BRD4: variants seen among roughly 807,000 people sequenced by gnomAD.
The protein encoded by BRD4 is bromodomain-containing protein 4.
Under a neutral mutation model 142.1 loss-of-function variants are expected in BRD4, and 16 were observed. The ratio of observed to expected loss-of-function variants is 0.11; its 90% CI spans 0.08 to 0.17. The LOEUF (loss-of-function observed/expected upper bound fraction) is 0.17, where lower values mean the gene tolerates loss of function less well. BRD4 is among the 10% of genes least tolerant of loss of function. The pLI is 1.00. For synonymous variants in BRD4, 833 were observed against 707.5 expected (o/e 1.18, Z -2.82); for missense variants, 1,424 against 1,810.9 (o/e 0.79, Z 3.88).
At chr19:15,320,479 G>A (rs866782952) in intron 1 of BRD4, among the ~76,000 whole-genome samples, 2 of 152,142 alleles carry the variant, frequency 1.3e-5, no homozygotes. Flanking sequence ...GATTACATAA[G>A]TTATATAAAT....
chr19:15,255,501 T>G lies in BRD4; in HGVS notation c.1843A>C (p.Lys615Gln). 1 of 1,614,148 alleles carries G rather than the reference T, an allele frequency of 6.2e-7. No homozygotes were observed. Among genetic ancestry groups the G allele is most frequent in the Non-Finnish European group, 8.5e-7 (1 of 1,180,016 alleles). Residue 615 changes from lysine to glutamine, a missense_variant, in exon 10 of 20, where the codon AAG (lysine) becomes CAG (glutamine). Lys to Gln is a moderately conservative substitution (Grantham distance 53). Around this residue, in one of 16 missense-constraint regions of BRD4, gnomAD observed 46 missense variants for 110.4 expected, o/e 0.42. Transcript: ENST00000679869. ...TTGATGTCCAAGCTGAGCTGCCGCT[T>G]CTCCTCATAGGACATAGGCTTGCAC... Reference protein sequence around the residue: ...DKCKPMSYEEKRQLSLDINKL... With the variant: ...DKCKPMSYEEQRQLSLDINKL...
intron 1 of BRD4, among the ~76,000 whole-genome samples, chr19:15,319,862 G>A (rs934903283): frequency 1.3e-5 from 2 of 152,056 alleles, no homozygotes; most frequent in Non-Finnish European, 2.9e-5. Flanking sequence ...CTGAGTTTGG[G>A]GAGGCTGAGA....
intron 1 of BRD4, among the ~76,000 whole-genome samples, chr19:15,294,465 C>T (rs916864771): frequency 6.6e-6 from 1 of 152,266 alleles, no homozygotes; most frequent in African/African-American, 2.4e-5. Flanking sequence ...TTGCAGCAAG[C>T]ACTGAACTCA....
At chr19:15,278,767 G>C (rs1031769548) in intron 1 of BRD4, among the ~76,000 whole-genome samples, 3 of 151,828 alleles carry the variant, frequency 2.0e-5, no homozygotes, top group Non-Finnish European at 4.4e-5. Context: ...AAGAAAATTT[G>C]GGAACTTCTG....
intron 1 of BRD4, among the ~76,000 whole-genome samples, chr19:15,278,105 C>CAAAAAAAAAAAA (rs59204229): frequency 7.3e-5 from 4 of 55,038 alleles, no homozygotes; most frequent in Non-Finnish European, 1.3e-4. Context: ...GACTCCGTCT[C>CAAAAAAAAAAAA]AAAAAAAAAA....
intron 1 of BRD4, among the ~76,000 whole-genome samples, chr19:15,300,830 A>C (rs776444332): frequency 6.6e-6 from 1 of 152,218 alleles, no homozygotes; most frequent in Non-Finnish European, 1.5e-5. Flanking sequence ...TCCACTGCTG[A>C]TGAGGGCGAA....
Position 15,237,564 on chromosome 19 carries a change from T to C in BRD4, c.*813A>G, listed in dbSNP as rs1228463315. The stretch of plus-strand genomic sequence containing the variant: ...ATTTCGGAGATAAGCAGTGCCATTG[T>C]GTCTGGAGGAGAAGAGAGAATTAAA... On this transcript the variant is annotated 3_prime_UTR_variant, in exon 20 of 20. Coordinates refer to ENST00000679869, the MANE Select transcript of BRD4 (RefSeq NM_001379291.1). The C allele has an allele frequency of 6.2e-5, 14 of 225,698 alleles. No homozygotes were observed. Among genetic ancestry groups the C allele is most frequent in the African/African-American group, 3.1e-4 (14 of 44,656 alleles). 14.0% of individuals were successfully genotyped at this position (225,698 alleles called of 1,614,324 possible).
chr19:15,329,392 G>C (rs1242866270), intron 1 of BRD4, among the ~76,000 whole-genome samples: 2 of 152,200 alleles, frequency 1.3e-5, no homozygotes, highest in Non-Finnish European at 2.9e-5. Context: ...GTCAGAAGCA[G>C]ATTTAACAGC....
At chr19:15,281,061 C>A (rs1407832918) in intron 1 of BRD4, among the ~76,000 whole-genome samples, 1 of 152,220 alleles carries the variant, frequency 6.6e-6, no homozygotes, top group Non-Finnish European at 1.5e-5. Context: ...TGGGGAAGCA[C>A]AAATAGGATT....
At chr19:15,315,164 C>A (rs907542510) in intron 1 of BRD4, among the ~76,000 whole-genome samples, 2 of 151,474 alleles carry the variant, frequency 1.3e-5, no homozygotes, top group African/African-American at 4.8e-5. Flanking sequence ...TTTTTTTTTC[C>A]CCCCACAGGT....
chr19:15,274,607 C>T (rs2047626251), intron 1 of BRD4, among the ~76,000 whole-genome samples: 1 of 152,188 alleles, frequency 6.6e-6, no homozygotes, highest in Non-Finnish European at 1.5e-5. Flanking sequence ...GGGTGCAGAG[C>T]CAAGCTGTCC....
At chr19:15,257,791 C>G (rs1039552631) in intron 7 of BRD4, among the ~76,000 whole-genome samples, 1 of 152,196 alleles carries the variant, frequency 6.6e-6, no homozygotes, top group African/African-American at 2.4e-5. Context: ...CCAGCACACA[C>G]AGGACAAGGT....
rs569096322 is a variant in BRD4 at position 15,255,983 on chromosome 19, G to A, written c.1751+81C>T. The A allele has an allele frequency of 2.2e-5, 35 of 1,562,138 alleles. No individual in the cohort carries two copies. In the African/African-American group the frequency reaches 4.5e-4, roughly 20 times the overall value. On this transcript the variant is annotated intron_variant, in intron 9 of 19. Coordinates refer to ENST00000679869, the MANE Select transcript of BRD4 (RefSeq NM_001379291.1). ...CAGCCTCCGCACCCAATGAGGACAG[G>A]GAGGGGCAGTGGCCCACACAGTCTC...
Position 15,276,978 on chromosome 19 carries a change from G to A in BRD4, c.-34-3845C>T, listed in dbSNP as rs934114183. ...ATGAGACCAGAGGCGGGGGAAGAGTGTGTGCGCTTCTGTGGTGGGGGTCAG... is the reference window on the plus strand; with the variant it reads ...ATGAGACCAGAGGCGGGGGAAGAGTATGTGCGCTTCTGTGGTGGGGGTCAG... On this transcript the variant is annotated intron_variant, in intron 1 of 19. Coordinates refer to ENST00000679869, the MANE Select transcript of BRD4 (RefSeq NM_001379291.1). Among the ~76,000 whole-genome samples, 5 of 152,174 alleles carry A rather than the reference G, an allele frequency of 3.3e-5. No individual in the cohort carries two copies. The East Asian group carries it at 9.7e-4, about 29-fold the overall frequency.
At chr19:15,312,465 T>C (rs1193744735) in intron 1 of BRD4, among the ~76,000 whole-genome samples, 2 of 151,978 alleles carry the variant, frequency 1.3e-5, no homozygotes, top group Non-Finnish European at 2.9e-5. Context: ...ACCCCGTCTC[T>C]ACTAAAAATA....
In BRD4 at chr19:15,238,686, C is replaced by T; in HGVS notation, c.4020+57G>A. 11 of 1,459,966 alleles carry T rather than the reference C, an allele frequency of 7.5e-6. No individual in the cohort carries two copies. The South Asian group carries it at 1.6e-4, about 21-fold the overall frequency. 90.4% of individuals were successfully genotyped at this position (1,459,966 alleles called of 1,614,324 possible). On this transcript the variant is annotated intron_variant, in intron 19 of 19. Coordinates refer to ENST00000679869, the MANE Select transcript of BRD4 (RefSeq NM_001379291.1). The surrounding 1 kb of genome is among the most constrained non-coding windows in gnomAD (Gnocchi z 7.2). ...TGTCCAGGCTCCAGTCCCCCTTTCC[C>T]AGCTCCCTCAGGAGCTAATCCTTAG...
chr19:15,251,190 T>C (rs1224535163), intron 11 of BRD4, among the ~76,000 whole-genome samples: 1 of 152,086 alleles, frequency 6.6e-6, no homozygotes, highest in African/African-American at 2.4e-5. Context: ...CGTTGCTCCC[T>C]GAACTAGAGC....
chr19:15,297,322 AG>A (rs1171854361), intron 1 of BRD4, among the ~76,000 whole-genome samples: 2 of 152,200 alleles, frequency 1.3e-5, no homozygotes, highest in Non-Finnish European at 2.9e-5. Flanking sequence ...CTCCTTCTGC[AG>A]TCCTAAATCT....
intron 1 of BRD4, among the ~76,000 whole-genome samples, chr19:15,311,547 T>G (rs532929512): frequency 9.9e-5 from 15 of 152,058 alleles, no homozygotes; most frequent in African/African-American, 3.4e-4. Flanking sequence ...TCCCAGTACT[T>G]TGGGAGGCAG....
Sources: gnomAD v4.1 joint callset for allele counts (sites outside exome capture counted in the v4.1 genomes callset) on GRCh38, gnomAD v4.1.1 for gene constraint, gnomAD v4.1.1 regional missense constraint, Gnocchi (gnomAD v3.1) non-coding constraint, MANE v1.5 for transcripts, NCBI Gene and HGNC (gene_info 2026-07-23, HGNC 2026-07-21) for gene names.